The following WDR59 variants were observed in gnomAD, a reference collection of about 807,000 sequenced individuals.
WDR59 encodes WD repeat domain 59.
Under a neutral mutation model 131.2 loss-of-function variants are expected in WDR59, and 100 were observed. That is an observed-to-expected ratio of 0.76 (90% CI 0.65 to 0.90). WDR59 has a LOEUF of 0.90. Among genes scored for constraint, WDR59 ranks in the 40% least tolerant of loss-of-function variants. WDR59 has a pLI of 0.00. For synonymous variants in WDR59, 601 were observed against 466.2 expected (o/e 1.29, Z -3.72); for missense variants, 1,203 against 1,262.2 (o/e 0.95, Z 0.71).
At chr16:74,958,613 A>AAAAAAAAAAAAAAAC in intron 2 of WDR59, among the ~76,000 whole-genome samples, 1 of 143,578 alleles carries the variant, frequency 7.0e-6, no homozygotes, top group Non-Finnish European at 1.5e-5. Context: ...AAAAAAAAAA[A>AAAAAAAAAAAAAAAC]AAAAAAACAA....
chr16:74,972,243 C>T (rs553341447), intron 1 of WDR59, among the ~76,000 whole-genome samples: 4 of 152,232 alleles, frequency 2.6e-5, no homozygotes, highest in Admixed American at 1.3e-4. Flanking sequence ...TTCTGATTCT[C>T]TTGGAGTAAA....
chr16:74,902,154 G>C (rs528800445), intron 18 of WDR59, among the ~76,000 whole-genome samples: 103 of 152,158 alleles, frequency 6.8e-4, no homozygotes, highest in African/African-American at 2.4e-3. Flanking sequence ...GTGAACTTTT[G>C]TGTATTTGGT....
chr16:74,926,006 A>AT (rs999157485), intron 8 of WDR59, among the ~76,000 whole-genome samples: 44 of 144,548 alleles, frequency 3.0e-4, no homozygotes, highest in African/African-American at 1.0e-3. Context: ...TTTTTAATAA[A>AT]AAAAAAAAAA....
intron 15 of WDR59, 46 bp downstream of exon 15, chr16:74,909,776 C>T (rs768776535): frequency 4.4e-6 from 7 of 1,588,960 alleles, no homozygotes; most frequent in Non-Finnish European, 6.0e-6. Context: ...AGAAATGAAA[C>T]AAAACACCAA....
chr16:74,925,244 T>C (rs2030658975), intron 8 of WDR59, among the ~76,000 whole-genome samples: 2 of 151,996 alleles, frequency 1.3e-5, no homozygotes, highest in Admixed American at 6.6e-5. Flanking sequence ...CCTTAAAAGG[T>C]TATATACTAG....
intron 2 of WDR59, chr16:74,959,609 A>G: frequency 2.3e-6 from 1 of 426,376 alleles, no homozygotes; most frequent in Non-Finnish European, 4.6e-6. Context: ...AAAGAAAAAA[A>G]AATTATAATA....
chr16:74,912,560 C>T (rs538571644), intron 13 of WDR59, among the ~76,000 whole-genome samples, 198 bp from the exon 14 acceptor site: 2 of 152,240 alleles, frequency 1.3e-5, no homozygotes, highest in South Asian at 4.1e-4. Flanking sequence ...ATTTTCAAAC[C>T]AATGGAATAA....
intron 7 of WDR59, among the ~76,000 whole-genome samples, chr16:74,941,137 G>C (rs1020366190): frequency 9.3e-5 from 14 of 151,224 alleles, no homozygotes; most frequent in African/African-American, 2.9e-4. Flanking sequence ...TTGACCCCAG[G>C]AGTTCGAGGT....
intron 6 of WDR59, among the ~76,000 whole-genome samples, chr16:74,945,259 G>A (rs1165066939): frequency 6.6e-6 from 1 of 152,010 alleles, no homozygotes; most frequent in Non-Finnish European, 1.5e-5. Context: ...GGTGGATCAT[G>A]AGGTCAGGAG....
chr16:74,895,326 G>A (rs572728087), intron 18 of WDR59, among the ~76,000 whole-genome samples: 2 of 152,210 alleles, frequency 1.3e-5, no homozygotes, highest in Non-Finnish European at 2.9e-5. Context: ...GCAGTGGTGT[G>A]ATCTTGGCTC....
At chr16:74,938,031 C>T in intron 8 of WDR59, 119 bp downstream of exon 8, 2 of 655,254 alleles carry the variant, frequency 3.1e-6, no homozygotes, top group Non-Finnish European at 2.4e-6. Flanking sequence ...CCAAGAAGCA[C>T]ATGCACCGTG....
At chr16:74,897,274 A>G (rs1965341724) in intron 18 of WDR59, among the ~76,000 whole-genome samples, 1 of 152,226 alleles carries the variant, frequency 6.6e-6, no homozygotes, top group Admixed American at 6.5e-5. Context: ...GGCCAGATTC[A>G]GACCAAGATG....
intron 3 of WDR59, among the ~76,000 whole-genome samples, chr16:74,952,767 T>TTATATATA (rs138680098): frequency 2.7e-5 from 4 of 147,574 alleles, no homozygotes; most frequent in South Asian, 2.1e-4. Flanking sequence ...ATTTTTTAAA[T>TTATATATA]TATATATATA....
At position 74,909,520 on chromosome 16, in the gene WDR59, C is replaced by A. The variant is rs1282184978; in HGVS notation, c.1623G>T (p.Gly541=). ...DANIPFPRTS[G]ARFCGAGYLV... is the part of the protein sequence containing the mutation. ...ACCCACCTGCTCCGCAGAACCTGGC[C>A]CCAGAAGTCCTAGGAAAGGGAATGT... Residue 541 remains glycine, a synonymous_variant, in exon 16 of 26, where the codon GGG becomes GGT. Coordinates refer to ENST00000262144, the MANE Select transcript of WDR59 (RefSeq NM_030581.4). The A allele has an allele frequency of 6.3e-7, 1 of 1,587,614 alleles. No individual in the cohort carries two copies. Among genetic ancestry groups the A allele is most frequent in the Admixed American group, 1.8e-5 (1 of 54,316 alleles).
intron 14 of WDR59, among the ~76,000 whole-genome samples, chr16:74,910,382 G>A (rs1242769343): frequency 6.6e-6 from 1 of 152,114 alleles, no homozygotes; most frequent in Non-Finnish European, 1.5e-5. Context: ...TACCTCTACC[G>A]AGGTTAAAAC....
At position 74,923,981 on chromosome 16, in the gene WDR59, C is replaced by G. The variant is rs142760193; in HGVS notation, c.674G>C (p.Arg225Pro). The G allele has an allele frequency of 6.2e-7, 1 of 1,613,492 alleles. No homozygotes were observed. The highest frequency in any genetic ancestry group is 8.5e-7 in the Non-Finnish European group (1 of 1,179,950). The change falls in exon 9 of 26, where the codon CGG becomes CCG. Residue 225 changes from arginine to proline, a missense_variant. Coordinates refer to ENST00000262144, the MANE Select transcript of WDR59 (RefSeq NM_030581.4). ...SVKFWDYRQPRKYLNILPCQV... is the reference protein window; with the variant it reads ...SVKFWDYRQPPKYLNILPCQV... ...GCAAGGAAGAATATTGAGGTATTTC[C>G]GAGGCTGGCGGTAATCCCAGAACTA...
chr16:74,956,053 T>G (rs141742652), intron 3 of WDR59, among the ~76,000 whole-genome samples: 1 of 152,072 alleles, frequency 6.6e-6, no homozygotes, highest in Non-Finnish European at 1.5e-5. Flanking sequence ...TTCCTTTGAA[T>G]AGAAGGGTAG....
At chr16:74,931,882 A>T (rs2031418919) in intron 8 of WDR59, among the ~76,000 whole-genome samples, 1 of 152,040 alleles carries the variant, frequency 6.6e-6, no homozygotes. Context: ...TCAAAAAAAA[A>T]AGAACAACTT....
rs771924578 is a variant in WDR59, at chr16:74,903,905, G to C, written c.1866+42C>G. On this transcript the variant is annotated intron_variant, in intron 18 of 25. Transcript: ENST00000262144. ...GCAGGAGATGAGGAACAAGAATCCA[G>C]GAGAAGGGGTAAGAATCAAAGGCTA... The C allele has an allele frequency of 1.8e-5, 29 of 1,576,234 alleles. No individual in the cohort carries two copies. The East Asian group carries it at 6.6e-4, about 36-fold the overall frequency.
Sources: gnomAD v4.1 joint callset for allele counts (sites outside exome capture counted in the v4.1 genomes callset) on GRCh38, gnomAD v4.1.1 for gene constraint, MANE v1.5 for transcripts, NCBI Gene and HGNC (gene_info 2026-07-23, HGNC 2026-07-21) for gene names.